Variants in SYNPR observed in about 807,000 individuals in gnomAD.
SYNPR encodes the protein synaptoporin.
SYNPR carries 23 observed loss-of-function variants against 32.9 expected under a neutral mutation model. The ratio of observed to expected loss-of-function variants is 0.70; its 90% CI spans 0.50 to 0.99. The LOEUF is 0.99. Ranked by LOEUF, SYNPR falls within the 50% of genes least tolerant of loss-of-function variation. The probability of loss-of-function intolerance (pLI) is 0.00; values close to 1 mark genes in which losing one functional copy is unlikely to be tolerated. For synonymous variants in SYNPR, 146 were observed against 135.9 expected, an observed-to-expected ratio of 1.07 and a Z score of -0.52; for missense variants, 318 against 349.3, an observed-to-expected ratio of 0.91 and a Z score of 0.71.
intron 2 of SYNPR, among the ~76,000 whole-genome samples, chr3:63,315,724 C>A (rs540397114): frequency 1.3e-5 from 2 of 152,028 alleles, no homozygotes; most frequent in East Asian, 1.9e-4. Flanking sequence ...TTTGAATGCC[C>A]TTTATTTCTT....
intron 2 of SYNPR, among the ~76,000 whole-genome samples, chr3:63,458,747 TCCAATCTTCTTACCTTACTG>T (rs1559505270): frequency 6.6e-6 from 1 of 152,078 alleles, no homozygotes; most frequent in Non-Finnish European, 1.5e-5. Flanking sequence ...TCTCTATGAG[TCCAATCTTCTTACCTTACTG>T]CCAGAGCACA....
At chr3:63,593,146 C>G (rs1699870650) in intron 4 of SYNPR, among the ~76,000 whole-genome samples, 1 of 152,064 alleles carries the variant, frequency 6.6e-6, no homozygotes, top group South Asian at 2.1e-4. Context: ...TAGCACAGCA[C>G]CTGACCCATA....
chr3:63,334,192 G>A (rs904639302), intron 2 of SYNPR, among the ~76,000 whole-genome samples: 1 of 152,150 alleles, frequency 6.6e-6, no homozygotes, highest in Non-Finnish European at 1.5e-5. Context: ...TCTTCAGCAT[G>A]TAAAAGCCTA....
At chr3:63,234,355 G>A (rs2086186111) in intron 1 of SYNPR, among the ~76,000 whole-genome samples, 1 of 152,096 alleles carries the variant, frequency 6.6e-6, no homozygotes, top group South Asian at 2.1e-4. Context: ...ATGAGATTTG[G>A]GTGGGGACAC....
At chr3:63,313,822 C>CAT (rs565586884) in intron 2 of SYNPR, among the ~76,000 whole-genome samples, 2 of 16,896 alleles carry the variant, frequency 1.2e-4, no homozygotes, top group Non-Finnish European at 9.5e-5. Context: ...TATATATATC[C>CAT]ATATATATAT....
intron 2 of SYNPR, among the ~76,000 whole-genome samples, chr3:63,286,873 A>G (rs2086689172): frequency 6.6e-6 from 1 of 152,172 alleles, no homozygotes; most frequent in South Asian, 2.1e-4. Flanking sequence ...CTATCCTTCT[A>G]AAGTAAATGA....
intron 2 of SYNPR, among the ~76,000 whole-genome samples, chr3:63,348,385 TG>T (rs200644114): frequency 6.6e-5 from 10 of 152,134 alleles, no homozygotes; most frequent in Non-Finnish European, 1.2e-4. Flanking sequence ...TATTTGTTGT[TG>T]TTTTTTTTGA....
intron 2 of SYNPR, among the ~76,000 whole-genome samples, chr3:63,367,863 A>G (rs1009893518): frequency 3.9e-5 from 6 of 152,168 alleles, no homozygotes; most frequent in African/African-American, 9.7e-5. Flanking sequence ...GGCAAGCACA[A>G]TCACTGATGA....
At chr3:63,269,240 G>A in intron 3 of SYNPR, among the ~76,000 whole-genome samples, 1 of 152,202 alleles carries the variant, frequency 6.6e-6, no homozygotes, top group Admixed American at 6.5e-5. Flanking sequence ...TGTAATTTCA[G>A]CACTTTGGGA....
At chr3:63,252,509 T>C (rs144761464) in exon 2 of SYNPR, 41 of 152,146 alleles carry the variant, frequency 2.7e-4, no homozygotes, top group Middle Eastern at 6.8e-3. Flanking sequence ...TTACAAAGAG[T>C]GTTACACTGC....
chr3:63,319,219 C>T (rs1038945956), intron 2 of SYNPR, among the ~76,000 whole-genome samples: 1 of 152,022 alleles, frequency 6.6e-6, no homozygotes, highest in African/African-American at 2.4e-5. Flanking sequence ...ACCTTGTCAA[C>T]AATGAGTTGT....
At chr3:63,469,278 C>T (rs534160455) in intron 2 of SYNPR, among the ~76,000 whole-genome samples, 10 of 152,238 alleles carry the variant, frequency 6.6e-5, no homozygotes, top group African/African-American at 1.9e-4. Flanking sequence ...GAAAGCACAG[C>T]TTCTGGCAAG....
At chr3:63,394,915 G>T (rs1306980543) in intron 2 of SYNPR, among the ~76,000 whole-genome samples, 1 of 151,734 alleles carries the variant, frequency 6.6e-6, no homozygotes, top group Non-Finnish European at 1.5e-5. Flanking sequence ...ATATTTATAG[G>T]GCATAATTTA....
intron 2 of SYNPR, among the ~76,000 whole-genome samples, chr3:63,395,651 T>C (rs981717021): frequency 2.0e-5 from 3 of 152,188 alleles, no homozygotes; most frequent in Non-Finnish European, 4.4e-5. Flanking sequence ...CCATTACATG[T>C]GAGGTAATAG....
chr3:63,584,995 G>A (rs1323268122), intron 4 of SYNPR, among the ~76,000 whole-genome samples: 5 of 152,046 alleles, frequency 3.3e-5, no homozygotes, highest in South Asian at 2.1e-4. Flanking sequence ...AAGCTTTGTC[G>A]TGCATAAAGT....
chr3:63,478,506 T>C (rs1023485879), intron 2 of SYNPR, among the ~76,000 whole-genome samples: 1 of 152,194 alleles, frequency 6.6e-6, no homozygotes, highest in Non-Finnish European at 1.5e-5. Flanking sequence ...TGACCATGTA[T>C]GTTACATGCT....
chr3:63,283,978 T>A (rs1440937585), intron 2 of SYNPR, among the ~76,000 whole-genome samples: 1 of 151,968 alleles, frequency 6.6e-6, no homozygotes, highest in Admixed American at 6.5e-5. Context: ...CTGGCTAATT[T>A]TTTGTATTTT....
At chr3:63,303,767 T>A (rs936364593) in intron 2 of SYNPR, among the ~76,000 whole-genome samples, 5 of 151,998 alleles carry the variant, frequency 3.3e-5, no homozygotes, top group East Asian at 1.9e-4. Context: ...TTAAAAAAAA[T>A]TTATTATCAC....
At chr3:63,247,645 G>T (rs953722842) in intron 1 of SYNPR, among the ~76,000 whole-genome samples, 12 of 152,108 alleles carry the variant, frequency 7.9e-5, no homozygotes, top group African/African-American at 2.9e-4. Context: ...CCGTCATCCA[G>T]CTCTAACACT....
Sources: allele counts gnomAD v4.1 joint callset (sites outside exome capture counted in the v4.1 genomes callset), GRCh38; gene constraint gnomAD v4.1.1; transcripts MANE v1.5; gene names NCBI Gene and HGNC (gene_info 2026-07-23, HGNC 2026-07-21).